GNA14: variants seen among roughly 807,000 people sequenced by gnomAD.
The protein encoded by GNA14 is G protein subunit alpha 14.
GNA14 carries 50 observed loss-of-function variants against 42.0 expected under a neutral mutation model. The observed-to-expected ratio is 1.19, with a 90% CI of 0.95 to 1.51. The LOEUF (loss-of-function observed/expected upper bound fraction) is 1.51, where lower values mean the gene tolerates loss of function less well. Among genes scored for constraint, GNA14 ranks in the 40% most tolerant of loss-of-function variants. The probability of loss-of-function intolerance (pLI) is 0.00; values close to 1 mark genes in which losing one functional copy is unlikely to be tolerated. For synonymous variants in GNA14, 173 were observed against 163.1 expected (o/e 1.06, Z -0.46); for missense variants, 473 against 446.2 (o/e 1.06, Z -0.54).
At chr9:77,494,604 A>G (rs557930545) in intron 2 of GNA14, among the ~76,000 whole-genome samples, 9 of 152,336 alleles carry the variant, frequency 5.9e-5, no homozygotes, top group African/African-American at 1.7e-4. Context: ...GCCATTTTAT[A>G]TTTAACATTT....
In GNA14 at chr9:77,554,591, A is replaced by T. The variant is rs185945183; in HGVS notation, c.125-25338T>A. On this transcript the variant is annotated intron_variant, in intron 1 of 6. Transcript: ENST00000341700. ...TCATCCACTTTATATAAATTTAAAA[A>T]TACTATTAATACTTCATCCAAACAA... 1.7e-3 allele frequency among the ~76,000 whole-genome samples: 254 copies of T among 152,354 alleles called. 3 individuals carry two copies. Among genetic ancestry groups the T allele is most frequent in the Admixed American group, 0.014 (219 of 15,304 alleles).
At chr9:77,552,943 C>T (rs1407153781) in intron 1 of GNA14, among the ~76,000 whole-genome samples, 1 of 152,122 alleles carries the variant, frequency 6.6e-6, no homozygotes, top group Non-Finnish European at 1.5e-5. Flanking sequence ...GTGAACATAA[C>T]TCAATGAGGG....
intron 1 of GNA14, among the ~76,000 whole-genome samples, chr9:77,597,497 G>C (rs939158561): frequency 2.0e-5 from 3 of 152,084 alleles, no homozygotes; most frequent in Admixed American, 6.5e-5. Context: ...TTGATGAACA[G>C]CTTCTGCCCC....
intron 1 of GNA14, among the ~76,000 whole-genome samples, chr9:77,626,023 A>G (rs1205451407): frequency 6.6e-6 from 1 of 151,866 alleles, no homozygotes; most frequent in Non-Finnish European, 1.5e-5. Flanking sequence ...TAGGCTCAAA[A>G]TAAAGGGATG....
intron 2 of GNA14, among the ~76,000 whole-genome samples, chr9:77,518,458 C>T (rs1383764155): frequency 6.6e-6 from 1 of 152,056 alleles, no homozygotes; most frequent in Non-Finnish European, 1.5e-5. Context: ...AGCAGAGATA[C>T]AGTGGGTGGG....
chr9:77,616,400 G>A (rs951277801), intron 1 of GNA14, among the ~76,000 whole-genome samples: 6 of 152,332 alleles, frequency 3.9e-5, no homozygotes, highest in Middle Eastern at 3.4e-3. Flanking sequence ...TGGCTGGAAC[G>A]AAGCCAAGGA....
At chr9:77,554,360 A>G (rs1273899362) in intron 1 of GNA14, among the ~76,000 whole-genome samples, 1 of 152,220 alleles carries the variant, frequency 6.6e-6, no homozygotes, top group African/African-American at 2.4e-5. Flanking sequence ...TGCACAAGAA[A>G]GTAAACACAA....
In GNA14 at chr9:77,516,740, A is replaced by AG. The variant is rs200268657; in HGVS notation, c.309+12328dup. Among the ~76,000 whole-genome samples, 175 of 83,572 alleles carry AG rather than the reference A, an allele frequency of 2.1e-3. 2 individuals are homozygous for AG. Among genetic ancestry groups the AG allele is most frequent in the East Asian group, 0.019 (55 of 2,890 alleles). The allele number at this position is 83,572 out of a possible 152,430, so 54.8% of individuals were successfully genotyped here. On this transcript the variant is annotated intron_variant, in intron 2 of 6. Transcript: ENST00000341700. Reference sequence around the variant, plus strand: ...GACCCCATTGGGGGTGGGGGGCGGTAGGGGGCAGGGGAATGTAACACAGGT... The same window carrying AG: ...GACCCCATTGGGGGTGGGGGGCGGTAGGGGGGCAGGGGAATGTAACACAGGT...
intron 1 of GNA14, among the ~76,000 whole-genome samples, chr9:77,618,352 G>A (rs1823856205): frequency 6.6e-6 from 1 of 151,716 alleles, no homozygotes; most frequent in Non-Finnish European, 1.5e-5. Flanking sequence ...AAGGAGCACA[G>A]GTGCTTCTCA....
intron 1 of GNA14, among the ~76,000 whole-genome samples, chr9:77,537,993 G>A (rs193244347): frequency 7.3e-5 from 11 of 151,148 alleles, no homozygotes; most frequent in African/African-American, 2.7e-4. Flanking sequence ...TCAATAGTTT[G>A]CAAATATTTT....
At chr9:77,458,251 C>T (rs1200731796) in intron 2 of GNA14, among the ~76,000 whole-genome samples, 2 of 152,034 alleles carry the variant, frequency 1.3e-5, no homozygotes, top group Non-Finnish European at 2.9e-5. Context: ...CAGCCATTAC[C>T]CACTTCTCTG....
chr9:77,587,096 G>T, intron 1 of GNA14, among the ~76,000 whole-genome samples: 1 of 139,366 alleles, frequency 7.2e-6, no homozygotes. Context: ...TCTAGCTCCT[G>T]TTATCATTTG....
chr9:77,526,664 C>G (rs528222616), intron 2 of GNA14: 1 of 152,308 alleles, frequency 6.6e-6, no homozygotes, highest in East Asian at 1.9e-4. Context: ...AAGAAGCCGA[C>G]AACAGATTCT....
chr9:77,462,456 C>T (rs1339355384), intron 2 of GNA14, among the ~76,000 whole-genome samples: 3 of 152,182 alleles, frequency 2.0e-5, no homozygotes, highest in African/African-American at 7.2e-5. Context: ...CGCAGTGGCT[C>T]ATGCCTGTAA....
intron 1 of GNA14, among the ~76,000 whole-genome samples, chr9:77,541,609 T>C (rs531387793): frequency 1.3e-5 from 2 of 152,356 alleles, no homozygotes; most frequent in African/African-American, 4.8e-5. Context: ...TTTCATCTAT[T>C]ATTTCATTAA....
chr9:77,449,634 T>G (rs1835873149), intron 2 of GNA14, among the ~76,000 whole-genome samples: 1 of 152,174 alleles, frequency 6.6e-6, no homozygotes, highest in Admixed American at 6.5e-5. Context: ...GAGAAACCAG[T>G]GGCCTCCCCA....
chr9:77,444,141 G>A (rs1164695615), intron 2 of GNA14, among the ~76,000 whole-genome samples: 7 of 152,176 alleles, frequency 4.6e-5, no homozygotes, highest in South Asian at 2.1e-4. Flanking sequence ...ACCTACTGAC[G>A]TTTCCCAGAA....
At chr9:77,491,885 C>T (rs1034964381) in intron 2 of GNA14, among the ~76,000 whole-genome samples, 1 of 152,176 alleles carries the variant, frequency 6.6e-6, no homozygotes, top group African/African-American at 2.4e-5. Flanking sequence ...GCAAATGGAA[C>T]ATTTTCCAGA....
At chr9:77,619,759 C>A (rs573331858) in intron 1 of GNA14, among the ~76,000 whole-genome samples, 1 of 152,236 alleles carries the variant, frequency 6.6e-6, no homozygotes, top group South Asian at 2.1e-4. Context: ...GCTATTGTTA[C>A]TATTAAATGC....
Sources: gnomAD v4.1 joint callset for allele counts (sites outside exome capture counted in the v4.1 genomes callset) on GRCh38, gnomAD v4.1.1 for gene constraint, MANE v1.5 for transcripts, NCBI Gene and HGNC (gene_info 2026-07-23, HGNC 2026-07-21) for gene names.